Variants in GFRA2 observed in about 807,000 individuals in gnomAD.
GFRA2 encodes GDNF family receptor alpha-2.
A neutral mutation model predicts 48.3 loss-of-function variants in GFRA2; 17 were observed. That is an observed-to-expected ratio of 0.35 (90% CI 0.24 to 0.53). GFRA2 has a LOEUF of 0.53. GFRA2 is among the 20% of genes least tolerant of loss of function. The pLI, the probability that GFRA2 is intolerant of heterozygous loss-of-function variation, is 0.93. For missense variants in GFRA2, 660 were observed against 637.3 expected (o/e 1.04, Z -0.38); for synonymous variants, 305 against 257.2 (o/e 1.19, Z -1.78).
In GFRA2 at chr8:21,693,185, A is replaced by C; in HGVS notation, c.*93T>G. Reference sequence around the variant, plus strand: ...TGGGAAAAACAATTTTTTTTTTGCAAGGTGTGTGTGTGTCTGTGTGTGTTT... The same window carrying C: ...TGGGAAAAACAATTTTTTTTTTGCACGGTGTGTGTGTGTCTGTGTGTGTTT... On this transcript the variant is annotated 3_prime_UTR_variant, in exon 9 of 9. Transcript: ENST00000524240. The C allele has an allele frequency of 8.3e-7, 1 of 1,202,140 alleles. No homozygotes were observed. Among genetic ancestry groups the C allele is most frequent in the Non-Finnish European group, 1.1e-6 (1 of 906,180 alleles). 74.5% of individuals were successfully genotyped at this position (1,202,140 alleles called of 1,614,324 possible).
At chr8:21,707,368 G>T (rs1353340921) in intron 4 of GFRA2, among the ~76,000 whole-genome samples, 1 of 152,228 alleles carries the variant, frequency 6.6e-6, no homozygotes, top group African/African-American at 2.4e-5. Flanking sequence ...GAGACAGACA[G>T]AAGGCTGAGA....
intron 4 of GFRA2, among the ~76,000 whole-genome samples, chr8:21,721,153 A>G (rs1302041018): frequency 6.6e-6 from 1 of 152,194 alleles, no homozygotes; most frequent in African/African-American, 2.4e-5. Context: ...AAGTAAAATT[A>G]TAGGCAGATC....
intron 4 of GFRA2, among the ~76,000 whole-genome samples, chr8:21,739,389 C>G (rs1307820920): frequency 6.6e-6 from 1 of 152,152 alleles, no homozygotes; most frequent in Non-Finnish European, 1.5e-5. Flanking sequence ...AGCAACTCAC[C>G]CTAATTTCCA....
intron 3 of GFRA2, among the ~76,000 whole-genome samples, 168 bp downstream of exon 3, chr8:21,774,804 C>T (rs1052956591): frequency 1.8e-4 from 27 of 152,166 alleles, no homozygotes; most frequent in Admixed American, 5.9e-4. Context: ...AGGTGGGCAT[C>T]GTGTTCTTTA....
chr8:21,764,542 A>G (rs1806063196), intron 3 of GFRA2, among the ~76,000 whole-genome samples: 3 of 152,188 alleles, frequency 2.0e-5, no homozygotes, highest in African/African-American at 7.2e-5. Context: ...CTTGTCACCC[A>G]CCAGTGACCA....
chr8:21,714,007 C>G (rs1803202735), intron 4 of GFRA2, among the ~76,000 whole-genome samples: 1 of 152,170 alleles, frequency 6.6e-6, no homozygotes, highest in South Asian at 2.1e-4. Context: ...TGTGTACAAA[C>G]ACACACACAC....
intron 4 of GFRA2, among the ~76,000 whole-genome samples, chr8:21,737,173 A>G (rs9650608): frequency 0.57 from 86,422 of 152,066 alleles, 27,599 homozygotes; most frequent in African/African-American, 0.88. Flanking sequence ...TTCAAGACCA[A>G]TCTGGCCAAC....
chr8:21,760,935 G>A (rs1367625774), intron 3 of GFRA2, among the ~76,000 whole-genome samples: 1 of 152,122 alleles, frequency 6.6e-6, no homozygotes, highest in Non-Finnish European at 1.5e-5. Flanking sequence ...CAAATACTTA[G>A]GGGCATAAGG....
intron 2 of GFRA2, chr8:21,779,405 GCC>G (rs1806863617): frequency 6.6e-6 from 1 of 151,302 alleles, no homozygotes; most frequent in Non-Finnish European, 1.5e-5. Context: ...GTGCTAAAAG[GCC>G]CAAGTGCCCC....
chr8:21,724,524 G>A (rs1409383519), intron 4 of GFRA2, among the ~76,000 whole-genome samples: 1 of 152,124 alleles, frequency 6.6e-6, no homozygotes, highest in African/African-American at 2.4e-5. Flanking sequence ...TGCAAGTAAT[G>A]GACTGATAAA....
At chr8:21,720,864 C>A (rs1698862669) in intron 4 of GFRA2, among the ~76,000 whole-genome samples, 1 of 152,134 alleles carries the variant, frequency 6.6e-6, no homozygotes. Flanking sequence ...TCTGTTTCTC[C>A]TATTAAGCTA....
chr8:21,809,832 G>A (rs1173997534), intron 1 of GFRA2, among the ~76,000 whole-genome samples: 1 of 152,156 alleles, frequency 6.6e-6, no homozygotes, highest in Non-Finnish European at 1.5e-5. Context: ...GGATGGGAGA[G>A]TTCTTTAGCT....
At position 21,780,188 on chromosome 8, in the gene GFRA2, T is replaced by G. The variant is rs1046155694; in HGVS notation, c.355+2397A>C. 1.4e-4 allele frequency among the ~76,000 whole-genome samples: 21 copies of G among 151,352 alleles called. No homozygotes were observed. The East Asian group carries it at 4.1e-3, about 30-fold the overall frequency. On this transcript the variant is annotated intron_variant, in intron 2 of 8. Coordinates refer to ENST00000524240, the MANE Select transcript of GFRA2 (RefSeq NM_001495.5). The stretch of plus-strand genomic sequence containing the variant: ...TAGCCAGGCTCCTCCCTAGCCAGGC[T>G]CCTCCCTCCAGCAGGAGGGCCCGGG...
chr8:21,718,080 T>C (rs750401423), intron 4 of GFRA2, among the ~76,000 whole-genome samples: 2 of 152,210 alleles, frequency 1.3e-5, no homozygotes, highest in Non-Finnish European at 2.9e-5. Flanking sequence ...CTTAATTGCA[T>C]ACTGTCTGAT....
intron 7 of GFRA2, among the ~76,000 whole-genome samples, chr8:21,697,982 T>C (rs1458902046): frequency 6.6e-6 from 1 of 152,192 alleles, no homozygotes; most frequent in African/African-American, 2.4e-5. Flanking sequence ...CAGTCTCAGG[T>C]ATGTCTTTAT....
intron 3 of GFRA2, among the ~76,000 whole-genome samples, chr8:21,760,134 G>A (rs1231398524): frequency 6.6e-6 from 1 of 152,236 alleles, no homozygotes; most frequent in Non-Finnish European, 1.5e-5. Flanking sequence ...GGAGGAGGCA[G>A]AAGTTAGAGG....
Position 21,775,045 on chromosome 8 carries a change from G to T in GFRA2, c.366C>A (p.Phe122Leu). 6.3e-7 allele frequency: 1 copy of T among 1,575,466 alleles called. No individual in the cohort carries two copies. Among genetic ancestry groups the T allele is most frequent in the Non-Finnish European group, 8.7e-7 (1 of 1,145,338 alleles). Residue 122 changes from phenylalanine to leucine, a missense_variant, in exon 3 of 9, where the codon TTC becomes TTA. Transcript: ENST00000524240. Reference protein sequence around the residue: ...IHLGLTEGEEFYEASPYEPVT... With the variant: ...IHLGLTEGEELYEASPYEPVT... ...CCGGCTCATAGGGGGAGGCTTCGTA[G>T]AACTCCTCACCTGGAAGACAGAACA...
At chr8:21,737,143 C>T (rs78070677) in intron 4 of GFRA2, among the ~76,000 whole-genome samples, 2,418 of 152,226 alleles carry the variant, frequency 0.016, 67 homozygotes, top group African/African-American at 0.054. Context: ...CCCTAATTTC[C>T]AACACGATCA....
intron 7 of GFRA2, among the ~76,000 whole-genome samples, chr8:21,694,823 T>C (rs956814971): frequency 1.1e-4 from 17 of 152,224 alleles, no homozygotes; most frequent in African/African-American, 4.1e-4. Flanking sequence ...GCGCAACTCT[T>C]GGGCAGGGAC....
Sources: gnomAD v4.1 joint callset for allele counts (sites outside exome capture counted in the v4.1 genomes callset) on GRCh38, gnomAD v4.1.1 for gene constraint, MANE v1.5 for transcripts, NCBI Gene and HGNC (gene_info 2026-07-23, HGNC 2026-07-21) for gene names.